PTDSS2: variants seen among roughly 807,000 people sequenced by gnomAD.
The protein encoded by PTDSS2 is phosphatidylserine synthase 2.
PTDSS2 carries 41 observed loss-of-function variants against 64.7 expected under a neutral mutation model. That is an observed-to-expected ratio of 0.63 (90% CI 0.49 to 0.82). PTDSS2 has a LOEUF of 0.82. Ranked by LOEUF, PTDSS2 falls within the 40% of genes least tolerant of loss-of-function variation. PTDSS2 has a pLI of 0.00. For missense variants in PTDSS2, 485 were observed against 650.0 expected (o/e 0.75, Z 2.76); for synonymous variants, 297 against 277.8 (o/e 1.07, Z -0.69).
rs976965779 is a variant in PTDSS2 at position 461,332 on chromosome 11, A to G, written c.284+1044A>G. ...TGACACCAGCCCTGTGGGCTCTAGA[A>G]CACAAGCATGCCCAGTGCCCTGTCT... is the stretch of plus-strand genomic sequence containing the variant. On this transcript the variant is annotated intron_variant, in intron 2 of 11. Coordinates refer to ENST00000308020, the MANE Select transcript of PTDSS2 (RefSeq NM_030783.3). The surrounding 1 kb of genome is among the most constrained non-coding windows in gnomAD (Gnocchi z 4.2). Among the ~76,000 whole-genome samples, 19 of 152,172 alleles carry G rather than the reference A, an allele frequency of 1.2e-4. No individual in the cohort carries two copies. The highest frequency in any genetic ancestry group is 2.6e-4 in the Non-Finnish European group (18 of 68,008).
At chr11:474,238 T>C (rs894319016) in intron 3 of PTDSS2, among the ~76,000 whole-genome samples, 3 of 152,190 alleles carry the variant, frequency 2.0e-5, no homozygotes, top group African/African-American at 7.2e-5. Context: ...AGCCCTTCTC[T>C]TCCTGCTTCT....
At position 487,481 on chromosome 11, in the gene PTDSS2, T is replaced by G. The variant is rs1204143666; in HGVS notation, c.621+11T>G. 1 of 1,613,236 alleles carries G rather than the reference T, an allele frequency of 6.2e-7. No individual in the cohort carries two copies. Among genetic ancestry groups the G allele is most frequent in the Admixed American group, 1.7e-5 (1 of 59,996 alleles). On this transcript the variant is annotated intron_variant, in intron 6 of 11. Coordinates refer to ENST00000308020, the MANE Select transcript of PTDSS2 (RefSeq NM_030783.3). Reference sequence around the variant, plus strand: ...GGCTGGTACCTGAAGGTACGGCACCTCCTCTTCCCGGCCTCCCCGCCCCGG... The same window carrying G: ...GGCTGGTACCTGAAGGTACGGCACCGCCTCTTCCCGGCCTCCCCGCCCCGG...
At chr11:451,209 C>T (rs1464108601) in intron 1 of PTDSS2, 4 of 249,752 alleles carry the variant, frequency 1.6e-5, no homozygotes, top group South Asian at 9.4e-5. Flanking sequence ...CCTCAGTTGC[C>T]CCTAGCGGGG....
chr11:471,635 C>A (rs1198858340), intron 2 of PTDSS2, among the ~76,000 whole-genome samples: 1 of 143,782 alleles, frequency 7.0e-6, no homozygotes, highest in African/African-American at 2.6e-5. Flanking sequence ...AGGCGGAGGG[C>A]GGCCTGGGGT....
At chr11:481,177 C>T (rs933134254) in intron 4 of PTDSS2, among the ~76,000 whole-genome samples, 7 of 152,008 alleles carry the variant, frequency 4.6e-5, no homozygotes, top group African/African-American at 9.7e-5. Flanking sequence ...TCCTCTTTCT[C>T]GGCAGTGACA....
chr11:477,537 G>A (rs1370564074), intron 3 of PTDSS2, among the ~76,000 whole-genome samples: 1 of 152,160 alleles, frequency 6.6e-6, no homozygotes, highest in Non-Finnish European at 1.5e-5. Flanking sequence ...AGCGTGAGTG[G>A]GGAGAGGAGT....
At chr11:449,963 G>C (rs113502526), upstream of PTDSS2, among the ~76,000 whole-genome samples, 745 of 152,270 alleles carry the variant, frequency 4.9e-3, 6 homozygotes, top group African/African-American at 0.017. Context: ...GGAATGACCC[G>C]GGTCGCATGG....
At chr11:468,903 A>T (rs879754545) in intron 2 of PTDSS2, among the ~76,000 whole-genome samples, 11 of 140,438 alleles carry the variant, frequency 7.8e-5, no homozygotes, top group Non-Finnish European at 1.5e-4. Flanking sequence ...TCTCTGGGTA[A>T]TCGGAGGGAG....
At chr11:448,372 C>G (rs1196602129), upstream of PTDSS2, 1 of 152,226 alleles carries the variant, frequency 6.6e-6, no homozygotes, top group African/African-American at 2.4e-5. Flanking sequence ...TGAGAGAACA[C>G]CCATACGCAG....
intron 2 of PTDSS2, 116 bp from the exon 3 acceptor site, chr11:473,779 C>T: frequency 1.2e-6 from 1 of 828,862 alleles, no homozygotes; most frequent in South Asian, 1.4e-5. Context: ...CCCCTTCCTC[C>T]CGCCCCAGCA....
At chr11:486,791 T>C (rs763670426) in intron 4 of PTDSS2, 148 bp from the exon 5 acceptor site, 1 of 991,314 alleles carries the variant, frequency 1.0e-6, no homozygotes, top group Non-Finnish European at 1.4e-6. Context: ...GAGCTTGCAG[T>C]GAGCCCAGTT....
chr11:490,490 G>A lies in PTDSS2; in HGVS notation c.1372G>A (p.Val458Ile), dbSNP rs542508299. The change falls in exon 12 of 12, where the codon GTC (valine) becomes ATC (isoleucine). Residue 458 changes from valine to isoleucine, a missense_variant. Val to Ile is a conservative substitution (Grantham distance 29). This residue lies in a region of PTDSS2 where 219 missense variants were observed against 257.3 expected (regional missense o/e 0.85). Transcript: ENST00000308020. ...WQNKDDQGSTVGNGDQHPLGL... is the reference protein window; with the variant it reads ...WQNKDDQGSTIGNGDQHPLGL... Reference sequence around the variant, plus strand: ...GAACAAGGATGACCAGGGCAGCACCGTCGGCAACGGGGACCAGCACCCACT... The same window carrying A: ...GAACAAGGATGACCAGGGCAGCACCATCGGCAACGGGGACCAGCACCCACT... 5.0e-5 allele frequency: 81 copies of A among 1,613,152 alleles called. No individual in the cohort carries two copies. Among genetic ancestry groups the A allele is most frequent in the Admixed American group, 1.2e-4 (7 of 60,010 alleles).
intron 4 of PTDSS2, 95 bp from the exon 5 acceptor site, chr11:486,844 T>A: frequency 6.8e-7 from 1 of 1,467,342 alleles, no homozygotes; most frequent in Non-Finnish European, 9.1e-7. Flanking sequence ...CGAGACTCCA[T>A]CTCAAAAAAA....
intron 4 of PTDSS2, among the ~76,000 whole-genome samples, chr11:482,843 T>G (rs1848132867): frequency 7.1e-6 from 1 of 141,814 alleles, no homozygotes; most frequent in South Asian, 2.3e-4. Flanking sequence ...CCCTACCGAG[T>G]GGAGAAGTTT....
chr11:462,190 G>A lies in PTDSS2; in HGVS notation c.284+1902G>A, dbSNP rs1846921581. On this transcript the variant is annotated intron_variant, in intron 2 of 11. Transcript: ENST00000308020. This position sits in a 1 kb window ranked among gnomAD's most constrained non-coding sequence, Gnocchi z 4.5. Reference sequence around the variant, plus strand: ...GCCAGGCCCTGCCCTCCCAGGCCTGGTTCCTATGGGAAGCACTAGGTGACC... The same window carrying A: ...GCCAGGCCCTGCCCTCCCAGGCCTGATTCCTATGGGAAGCACTAGGTGACC... 6.6e-6 allele frequency among the ~76,000 whole-genome samples: 1 copy of A among 152,182 alleles called. No individual in the cohort carries two copies.
Position 487,049 on chromosome 11 carries a change from G to T in PTDSS2, c.546G>T (p.Glu182Asp). The T allele has an allele frequency of 6.2e-7, 1 of 1,613,454 alleles. No homozygotes were observed. Among genetic ancestry groups the T allele is most frequent in the Non-Finnish European group, 8.5e-7 (1 of 1,179,882 alleles). ...GCCTCATCTACGACCCAGACAATGA[G>T]ACTGACCCCTTTCACAACATCTGGG... ...GNCLIYDPDN[E>D]TDPFHNIWDK... The change falls in exon 5 of 12, where the codon GAG becomes GAT. Residue 182 changes from glutamate to aspartate, a missense_variant. Coordinates refer to ENST00000308020, the MANE Select transcript of PTDSS2 (RefSeq NM_030783.3).
At chr11:466,359 C>T (rs934788330) in intron 2 of PTDSS2, among the ~76,000 whole-genome samples, 18 of 150,148 alleles carry the variant, frequency 1.2e-4, no homozygotes, top group Non-Finnish European at 2.1e-4. Flanking sequence ...CTCACAAAGG[C>T]GGCAGGAGAG....
chr11:467,992 C>G (rs556234899), intron 2 of PTDSS2, among the ~76,000 whole-genome samples: 1 of 151,730 alleles, frequency 6.6e-6, no homozygotes, highest in Non-Finnish European at 1.5e-5. Context: ...AAAACTTAGC[C>G]GAGTGTCACA....
intron 3 of PTDSS2, among the ~76,000 whole-genome samples, chr11:477,609 A>G (rs1278792517): frequency 6.6e-6 from 1 of 152,180 alleles, no homozygotes; most frequent in Non-Finnish European, 1.5e-5. Flanking sequence ...AAACATGAGA[A>G]AGATTCGACT....
Sources: gnomAD v4.1 joint callset for allele counts (sites outside exome capture counted in the v4.1 genomes callset) on GRCh38, gnomAD v4.1.1 for gene constraint, gnomAD v4.1.1 regional missense constraint, Gnocchi (gnomAD v3.1) non-coding constraint, MANE v1.5 for transcripts, NCBI Gene and HGNC (gene_info 2026-07-23, HGNC 2026-07-21) for gene names.